GTF2E1: variants seen among roughly 807,000 people sequenced by gnomAD.
GTF2E1 encodes general transcription factor IIE subunit 1.
In GTF2E1, 14 loss-of-function variants were observed where a neutral mutation model predicts 34.9. That is an observed-to-expected ratio of 0.40 (90% CI 0.27 to 0.63). The LOEUF (loss-of-function observed/expected upper bound fraction) is 0.63, where lower values mean the gene tolerates loss of function less well. Among genes scored for constraint, GTF2E1 ranks in the 20% least tolerant of loss-of-function variants. The pLI is 0.39. For missense variants in GTF2E1, 469 were observed against 557.7 expected, an observed-to-expected ratio of 0.84 and a Z score of 1.60; for synonymous variants, 188 against 192.9, an observed-to-expected ratio of 0.97 and a Z score of 0.21.
At chr3:120,754,425 T>C (rs1287208606) in intron 2 of GTF2E1, among the ~76,000 whole-genome samples, 1 of 152,150 alleles carries the variant, frequency 6.6e-6, no homozygotes, top group African/African-American at 2.4e-5. Flanking sequence ...CCTGTTTCTA[T>C]CTAGTGTTCA....
At chr3:120,767,200 G>A (rs1709316672) in intron 2 of GTF2E1, among the ~76,000 whole-genome samples, 1 of 152,126 alleles carries the variant, frequency 6.6e-6, no homozygotes, top group Non-Finnish European at 1.5e-5. Flanking sequence ...TCTCTCACAT[G>A]TTATGCATGT....
chr3:120,760,401 C>T (rs1341503496), intron 2 of GTF2E1, among the ~76,000 whole-genome samples: 1 of 152,154 alleles, frequency 6.6e-6, no homozygotes, highest in African/African-American at 2.4e-5. Context: ...TCCTATTTTC[C>T]TAATTGAATA....
intron 2 of GTF2E1, among the ~76,000 whole-genome samples, chr3:120,762,011 C>A (rs190634834): frequency 3.3e-5 from 5 of 152,010 alleles, no homozygotes; most frequent in Non-Finnish European, 7.4e-5. Context: ...AGGATGGTCT[C>A]GATCTCCTGA....
At chr3:120,758,484 C>T (rs1446347581) in intron 2 of GTF2E1, among the ~76,000 whole-genome samples, 1 of 151,944 alleles carries the variant, frequency 6.6e-6, no homozygotes, top group Non-Finnish European at 1.5e-5. Context: ...AGGTTTGTTA[C>T]ATAGGTATAC....
chr3:120,763,613 A>G (rs1709283075), intron 2 of GTF2E1, among the ~76,000 whole-genome samples: 1 of 152,156 alleles, frequency 6.6e-6, no homozygotes. Flanking sequence ...GGAACTGTGA[A>G]ATGTCTTTTG....
chr3:120,764,352 T>C lies in GTF2E1; in HGVS notation c.449-6376T>C, dbSNP rs1475207296. Among the ~76,000 whole-genome samples the C allele has an allele frequency of 2.0e-5, 3 of 152,264 alleles. No homozygotes were observed. The East Asian group carries it at 5.8e-4, about 29-fold the overall frequency. On this transcript the variant is annotated intron_variant, in intron 2 of 4. Coordinates refer to ENST00000283875, the MANE Select transcript of GTF2E1 (RefSeq NM_005513.3). ...AGCCCTGGGGATATCAAACCCACTG[T>C]TCTGGGGTGAGAGCTCTGCAGCAGC...
In GTF2E1 at chr3:120,744,032, A is replaced by G. The variant is rs139236623; in HGVS notation, c.-31+1238A>G. ...GGAGGTCCCACGCTCAGAAGTCTCC[A>G]GAGACCAGCCATACTCCTTCCCTAA... On this transcript the variant is annotated intron_variant, in intron 1 of 4. Transcript: ENST00000283875. Among the ~76,000 whole-genome samples the G allele has an allele frequency of 1.6e-3, 242 of 152,330 alleles. 1 individual carries two copies. Among genetic ancestry groups the G allele is most frequent in the African/African-American group, 5.7e-3 (239 of 41,580 alleles).
intron 1 of GTF2E1, among the ~76,000 whole-genome samples, chr3:120,749,579 C>A (rs576338416): frequency 6.6e-6 from 1 of 152,046 alleles, no homozygotes; most frequent in Non-Finnish European, 1.5e-5. Context: ...TATATTGAAC[C>A]AGCCTTGCAT....
intron 2 of GTF2E1, 43 bp downstream of exon 2, chr3:120,751,043 A>G (rs748430060): frequency 5.6e-6 from 7 of 1,257,724 alleles, no homozygotes; most frequent in South Asian, 2.7e-5. Context: ...TAAAGTGTGT[A>G]TTACCTTTTT....
At chr3:120,748,526 G>A (rs866069076) in intron 1 of GTF2E1, among the ~76,000 whole-genome samples, 60 of 152,256 alleles carry the variant, frequency 3.9e-4, no homozygotes, top group Middle Eastern at 3.4e-3. Flanking sequence ...CCCATTGCTT[G>A]TTTTTCTCAG....
At chr3:120,752,397 C>T (rs1049573352) in intron 2 of GTF2E1, among the ~76,000 whole-genome samples, 2 of 152,168 alleles carry the variant, frequency 1.3e-5, no homozygotes, top group Non-Finnish European at 2.9e-5. Flanking sequence ...TTTTGTAATT[C>T]TCTACAGATG....
intron 1 of GTF2E1, among the ~76,000 whole-genome samples, chr3:120,744,285 A>G (rs985288447): frequency 2.0e-5 from 3 of 152,198 alleles, no homozygotes; most frequent in Non-Finnish European, 4.4e-5. Context: ...TAAGACCTCT[A>G]GAGATTGAGT....
intron 4 of GTF2E1, among the ~76,000 whole-genome samples, chr3:120,778,731 G>C (rs1709421698): frequency 6.6e-6 from 1 of 152,082 alleles, no homozygotes; most frequent in Non-Finnish European, 1.5e-5. Context: ...TTTGTTTGTT[G>C]CTTTGGTTCT....
chr3:120,750,368 G>C (rs987777506), intron 1 of GTF2E1, among the ~76,000 whole-genome samples, 155 bp from the exon 2 acceptor site: 6 of 152,144 alleles, frequency 3.9e-5, no homozygotes, highest in African/African-American at 1.4e-4. Flanking sequence ...AATCTTTTGT[G>C]CATTCTAGAG....
At chr3:120,748,456 G>A (rs1479634729) in intron 1 of GTF2E1, among the ~76,000 whole-genome samples, 2 of 152,216 alleles carry the variant, frequency 1.3e-5, no homozygotes, top group Admixed American at 1.3e-4. Context: ...TCCAGTTTCA[G>A]CTTTCTCCAT....
chr3:120,771,013 G>A, intron 3 of GTF2E1, 84 bp downstream of exon 3: 1 of 1,111,358 alleles, frequency 9.0e-7, no homozygotes. Context: ...GAACAAGAGT[G>A]GGTAATTTAC....
intron 3 of GTF2E1, among the ~76,000 whole-genome samples, chr3:120,772,276 G>T (rs1444059263): frequency 6.6e-6 from 1 of 152,110 alleles, no homozygotes. Flanking sequence ...ACCAGCAGCT[G>T]GCAAAGGAAA....
At chr3:120,755,968 C>T (rs1709205309) in intron 2 of GTF2E1, among the ~76,000 whole-genome samples, 1 of 152,168 alleles carries the variant, frequency 6.6e-6, no homozygotes, top group Non-Finnish European at 1.5e-5. Flanking sequence ...CTGAATAGTA[C>T]TCCATTGTGT....
intron 2 of GTF2E1, among the ~76,000 whole-genome samples, chr3:120,766,337 T>G (rs1178221952): frequency 6.6e-6 from 1 of 152,170 alleles, no homozygotes; most frequent in East Asian, 1.9e-4. Flanking sequence ...TAAATATTAG[T>G]TTTCATGACC....
Sources: allele counts gnomAD v4.1 joint callset (sites outside exome capture counted in the v4.1 genomes callset), GRCh38; gene constraint gnomAD v4.1.1; transcripts MANE v1.5; gene names NCBI Gene and HGNC (gene_info 2026-07-23, HGNC 2026-07-21).